The following GPSM2 variants were observed in gnomAD, a reference collection of about 807,000 sequenced individuals.
GPSM2 encodes G protein-signaling modulator 2.
GPSM2 carries 58 observed loss-of-function variants against 78.4 expected under a neutral mutation model. The ratio of observed to expected loss-of-function variants is 0.74; its 90% CI spans 0.60 to 0.92. GPSM2 has a LOEUF of 0.92. GPSM2 is among the 40% of genes least tolerant of loss of function. GPSM2 has a pLI of 0.00. For missense variants in GPSM2, 700 were observed against 815.5 expected (o/e 0.86, Z 1.73); for synonymous variants, 224 against 280.2 (o/e 0.80, Z 2.00).
chr1:108,925,236 A>G (rs995290210), intron 14 of GPSM2, among the ~76,000 whole-genome samples: 2 of 152,190 alleles, frequency 1.3e-5, no homozygotes, highest in Admixed American at 1.3e-4. Context: ...TGTTTTAGAC[A>G]TGTTAAATTT....
At chr1:108,893,441 C>T (rs1339818510) in intron 2 of GPSM2, among the ~76,000 whole-genome samples, 1 of 151,930 alleles carries the variant, frequency 6.6e-6, no homozygotes, top group Non-Finnish European at 1.5e-5. Flanking sequence ...ATTTTTTTTA[C>T]CCAGTACTCT....
intron 1 of GPSM2, chr1:108,882,476 G>C (rs2101308850): frequency 6.6e-6 from 1 of 152,132 alleles, no homozygotes; most frequent in Middle Eastern, 3.4e-3. Context: ...TATTGTTTAG[G>C]GAACAATGCC....
At chr1:108,883,459 T>C (rs1248815248) in intron 1 of GPSM2, among the ~76,000 whole-genome samples, 1 of 152,206 alleles carries the variant, frequency 6.6e-6, no homozygotes, top group Non-Finnish European at 1.5e-5. Flanking sequence ...ACGATTTTCT[T>C]ACAGGAATAT....
chr1:108,891,609 C>T (rs1377574246), intron 2 of GPSM2, among the ~76,000 whole-genome samples: 1 of 152,010 alleles, frequency 6.6e-6, no homozygotes, highest in Non-Finnish European at 1.5e-5. Flanking sequence ...ATCCTCCCAC[C>T]TCAGCCTCCC....
In GPSM2 at chr1:108,918,601, ATAATTTTGTAGG is replaced by A. The variant is rs771039108; in HGVS notation, c.1264-9_1266del. 3 of 1,606,692 alleles carry A rather than the reference ATAATTTTGTAGG, an allele frequency of 1.9e-6. No homozygotes were observed. The South Asian group carries it at 3.3e-5, about 18-fold the overall frequency. Reference sequence around the variant, plus strand: ...GTGTTTATTCACCTGCCTTCCATTTATAATTTTGTAGGTACAGAACTGGAACAGTGAAATTCT... The same window carrying A: ...GTGTTTATTCACCTGCCTTCCATTTATACAGAACTGGAACAGTGAAATTCT... On this transcript the variant is annotated splice_acceptor_variant and splice_polypyrimidine_tract_variant and coding_sequence_variant and intron_variant, in exon 12 of 15. Coordinates refer to ENST00000264126, the MANE Select transcript of GPSM2 (RefSeq NM_013296.5). LOFTEE classifies it high-confidence loss of function.
At chr1:108,917,118 G>T (rs1271291804) in intron 11 of GPSM2, among the ~76,000 whole-genome samples, 2 of 151,968 alleles carry the variant, frequency 1.3e-5, no homozygotes, top group Admixed American at 1.3e-4. Flanking sequence ...TTTCTTCTTG[G>T]GTTTTGGGTG....
At chr1:108,906,662 G>C (rs941359485) in intron 10 of GPSM2, among the ~76,000 whole-genome samples, 14 of 151,476 alleles carry the variant, frequency 9.2e-5, no homozygotes, top group African/African-American at 3.4e-4. Flanking sequence ...TGGATCACCT[G>C]AGGTCAGGAG....
In GPSM2 at chr1:108,931,354, A is replaced by G; in HGVS notation, c.*1414A>G. Reference sequence around the variant, plus strand: ...ACAAGGGGATGATAACAAAGTAACTAACTAACTGTAGCAAAAGACAAGTAT... The same window carrying G: ...ACAAGGGGATGATAACAAAGTAACTGACTAACTGTAGCAAAAGACAAGTAT... On this transcript the variant is annotated 3_prime_UTR_variant, in exon 15 of 15. Transcript: ENST00000264126. The G allele has an allele frequency of 6.4e-7, 1 of 1,551,064 alleles. No individual in the cohort carries two copies. Among genetic ancestry groups the G allele is most frequent in the Admixed American group, 2.0e-5 (1 of 50,976 alleles).
In GPSM2 at chr1:108,931,652, T is replaced by A; in HGVS notation, c.*1712T>A. On this transcript the variant is annotated 3_prime_UTR_variant, in exon 15 of 15. Coordinates refer to ENST00000264126, the MANE Select transcript of GPSM2 (RefSeq NM_013296.5). ...CTAAAAAAAAAAAAAAAGTTCTAAA[T>A]TACAACCTGGATTACATTATGTTTC... 9 of 923,274 alleles carry A rather than the reference T, an allele frequency of 9.7e-6. No individual in the cohort carries two copies. The highest frequency in any genetic ancestry group is 1.4e-5 in the Non-Finnish European group (9 of 653,328). 57.2% of individuals were successfully genotyped at this position (923,274 alleles called of 1,614,324 possible). A position where few individuals can be genotyped will look rare whatever the true frequency, so the allele number is the denominator to read the frequency against.
At chr1:108,899,528 T>C (rs560646613) in intron 7 of GPSM2, among the ~76,000 whole-genome samples, 1 of 152,338 alleles carries the variant, frequency 6.6e-6, no homozygotes, top group East Asian at 1.9e-4. Context: ...TGACTGTCAC[T>C]GTAAGCTGAG....
chr1:108,880,192 CAA>C (rs1479317275), intron 1 of GPSM2, among the ~76,000 whole-genome samples: 12 of 152,182 alleles, frequency 7.9e-5, no homozygotes, highest in Admixed American at 5.9e-4. Flanking sequence ...GAAGAGAAGA[CAA>C]AATCATGTTT....
chr1:108,898,193 G>A, intron 5 of GPSM2, 92 bp downstream of exon 5: 2 of 1,297,888 alleles, frequency 1.5e-6, no homozygotes, highest in Non-Finnish European at 2.2e-6. Context: ...TTTTAAGTTT[G>A]GCAAAGATTT....
At chr1:108,884,148 G>A (rs1216128375) in intron 1 of GPSM2, among the ~76,000 whole-genome samples, 1 of 152,102 alleles carries the variant, frequency 6.6e-6, no homozygotes, top group East Asian at 1.9e-4. Flanking sequence ...TCACCGTGTT[G>A]GCTAGGCTGG....
At chr1:108,914,883 T>C (rs1257409366) in intron 11 of GPSM2, among the ~76,000 whole-genome samples, 3 of 152,204 alleles carry the variant, frequency 2.0e-5, no homozygotes, top group Admixed American at 1.3e-4. Context: ...GAGAGTTGTT[T>C]TTCTGGCTGC....
intron 11 of GPSM2, among the ~76,000 whole-genome samples, chr1:108,916,735 A>AAT (rs1231182765): frequency 1.3e-5 from 2 of 152,234 alleles, no homozygotes; most frequent in African/African-American, 4.8e-5. Context: ...TTCTATCCTT[A>AAT]ATGTAAAATA....
rs148317287 is a variant in GPSM2, at chr1:108,927,977, A to G, written c.1816-1724A>G. Reference sequence around the variant, plus strand: ...GACCCTGTCTCTAAAGGGAAAAAAAAGGAAAGCCTCATGGCATTGGGTTTG... The same window carrying G: ...GACCCTGTCTCTAAAGGGAAAAAAAGGGAAAGCCTCATGGCATTGGGTTTG... On this transcript the variant is annotated intron_variant, in intron 14 of 14. Transcript: ENST00000264126. 9.8e-3 allele frequency among the ~76,000 whole-genome samples: 1,491 copies of G among 152,294 alleles called. 23 individuals carry two copies. The highest frequency in any genetic ancestry group is 0.034 in the African/African-American group (1,423 of 41,550).
intron 13 of GPSM2, 62 bp downstream of exon 13, chr1:108,922,638 T>G: frequency 7.7e-7 from 1 of 1,302,722 alleles, no homozygotes; most frequent in East Asian, 2.3e-5. Flanking sequence ...TGTGGCTTAT[T>G]TCTGAGAATT....
At chr1:108,890,971 T>C (rs1557858084) in intron 2 of GPSM2, among the ~76,000 whole-genome samples, 1 of 152,218 alleles carries the variant, frequency 6.6e-6, no homozygotes, top group East Asian at 1.9e-4. Context: ...AAAAGATTAA[T>C]CTTTTAAAGA....
Position 108,898,124 on chromosome 1 carries a change from A to C in GPSM2, c.557+23A>C, listed in dbSNP as rs1158970644. ...TGAGTGAGTAGGGGCTGATATGGGCAGTCATGTAGGCCCATCTAAGCCGTG... is the reference window on the plus strand; with the variant it reads ...TGAGTGAGTAGGGGCTGATATGGGCCGTCATGTAGGCCCATCTAAGCCGTG... On this transcript the variant is annotated intron_variant, in intron 5 of 14. Coordinates refer to ENST00000264126, the MANE Select transcript of GPSM2 (RefSeq NM_013296.5). The C allele has an allele frequency of 3.1e-5, 50 of 1,607,134 alleles. No individual in the cohort carries two copies. In the East Asian group the frequency reaches 1.1e-3, roughly 34 times the overall value.
Sources: gnomAD v4.1 joint callset for allele counts (sites outside exome capture counted in the v4.1 genomes callset) on GRCh38, gnomAD v4.1.1 for gene constraint, MANE v1.5 for transcripts, NCBI Gene and HGNC (gene_info 2026-07-23, HGNC 2026-07-21) for gene names.